NIT1: variants seen among roughly 807,000 people sequenced by gnomAD.
The protein encoded by NIT1 is deaminated glutathione amidase.
A neutral mutation model predicts 36.8 loss-of-function variants in NIT1; 30 were observed. The ratio of observed to expected loss-of-function variants is 0.82; its 90% confidence interval spans 0.61 to 1.11. The LOEUF (loss-of-function observed/expected upper bound fraction) is 1.11, where lower values mean the gene tolerates loss of function less well. Among genes scored for constraint, NIT1 ranks in the 50% least tolerant of loss-of-function variants. The probability of loss-of-function intolerance (pLI) is 0.00; values close to 1 mark genes in which losing one functional copy is unlikely to be tolerated. For synonymous variants in NIT1, 151 were observed against 155.6 expected (o/e 0.97, Z 0.22); for missense variants, 438 against 410.6 (o/e 1.07, Z -0.58).
At chr1:161,124,036 G>A, downstream of NIT1, 12 of 1,580,386 alleles carry the variant, frequency 7.6e-6, no homozygotes, top group East Asian at 2.2e-5. Flanking sequence ...CTTACTCTAA[G>A]TACTCCCCAG....
downstream of NIT1, chr1:161,122,080 C>T: frequency 6.4e-7 from 1 of 1,572,964 alleles, no homozygotes; most frequent in Non-Finnish European, 8.6e-7. This position sits in a 1 kb window ranked among gnomAD's most constrained non-coding sequence, Gnocchi z 4.2. Context: ...GAGAACAAAC[C>T]CCAGAACAGT....
intron 2 of NIT1, 75 bp from the exon 3 acceptor site, chr1:161,119,059 C>T: frequency 6.4e-7 from 1 of 1,563,870 alleles, no homozygotes; most frequent in South Asian, 1.1e-5. Context: ...TCCTGCCTCT[C>T]CACTTGCACC....
In NIT1 at chr1:161,118,868, T is replaced by C; in HGVS notation, c.85T>C (p.Cys29Arg). Reference protein sequence around the residue: ...GLRIPQLSVLCAQPRPRAMAI... With the variant: ...GLRIPQLSVLRAQPRPRAMAI... ...CCGGATACCTCAACTCTCAGTACTT[T>C]GTGCTCAGCCCAGGTAACACGTTTT... Residue 29 changes from cysteine (C) to arginine (R), a missense_variant, in exon 2 of 7, where the codon TGT (cysteine) becomes CGT (arginine). Coordinates refer to ENST00000368009, the MANE Select transcript of NIT1 (RefSeq NM_005600.3). 1 of 1,613,604 alleles carries C rather than the reference T, an allele frequency of 6.2e-7. No individual in the cohort carries two copies. The highest frequency in any genetic ancestry group is 8.5e-7 in the Non-Finnish European group (1 of 1,179,514).
At chr1:161,122,448 T>C, downstream of NIT1, 1 of 1,614,248 alleles carries the variant, frequency 6.2e-7, no homozygotes, top group Non-Finnish European at 8.5e-7. The surrounding 1 kb of genome is among the most constrained non-coding windows in gnomAD (Gnocchi z 4.2). Flanking sequence ...AAGTGGGTCC[T>C]GCTTGTTAGA....
chr1:161,119,031 C>A, intron 2 of NIT1, 103 bp from the exon 3 acceptor site: 2 of 1,473,498 alleles, frequency 1.4e-6, no homozygotes, highest in Non-Finnish European at 1.9e-6. Flanking sequence ...AGAGCATGAT[C>A]AAAAGGAAGT....
rs1655299862 is a variant in NIT1, at chr1:161,120,210, T to C, written c.695T>C (p.Ile232Thr). ...ILTYPSAFGS[I>T]TGPAHWEVLL... ...ACCTATCCTTCAGCTTTTGGATCCATTACAGGCCCAGCCCACTGGGAGGTA... is the reference window on the plus strand; with the variant it reads ...ACCTATCCTTCAGCTTTTGGATCCACTACAGGCCCAGCCCACTGGGAGGTA... Residue 232 changes from isoleucine to threonine, a missense_variant, in exon 6 of 7, where the codon ATT becomes ACT. Coordinates refer to ENST00000368009, the MANE Select transcript of NIT1 (RefSeq NM_005600.3). The C allele has an allele frequency of 6.2e-7, 1 of 1,614,092 alleles. No individual in the cohort carries two copies. Among genetic ancestry groups the C allele is most frequent in the Non-Finnish European group, 8.5e-7 (1 of 1,179,992 alleles).
At chr1:161,118,597 C>G in intron 1 of NIT1, 189 bp from the exon 2 acceptor site, 8 of 1,535,592 alleles carry the variant, frequency 5.2e-6, no homozygotes, top group Non-Finnish European at 7.0e-6. Flanking sequence ...AGCAGAGCCC[C>G]TTTCTCCATC....
chr1:161,123,178 A>C, downstream of NIT1: 1 of 1,614,222 alleles, frequency 6.2e-7, no homozygotes, highest in Non-Finnish European at 8.5e-7. Flanking sequence ...TACACATCTG[A>C]GGACCCGAAG....
chr1:161,120,563 G>A lies in NIT1; in HGVS notation c.782G>A (p.Arg261His), dbSNP rs749338832. ...CYVVAAAQCGRHHEKRASYGH... is the reference protein window; with the variant it reads ...CYVVAAAQCGHHHEKRASYGH... ...GTAGTGGCAGCAGCACAGTGTGGAC[G>A]CCACCATGAGAAGAGAGCAAGTTAT... Residue 261 changes from arginine (R) to histidine (H), a missense_variant, in exon 7 of 7, where the codon CGC (arginine) becomes CAC (histidine). Arg to His is a conservative substitution (Grantham distance 29). Coordinates refer to ENST00000368009, the MANE Select transcript of NIT1 (RefSeq NM_005600.3). 2.5e-5 allele frequency: 40 copies of A among 1,614,050 alleles called. No homozygotes were observed. The highest frequency in any genetic ancestry group is 4.4e-5 in the South Asian group (4 of 91,082).
At chr1:161,124,658 T>A, downstream of NIT1, 1 of 1,225,870 alleles carries the variant, frequency 8.2e-7, no homozygotes, top group Non-Finnish European at 1.1e-6. Flanking sequence ...ATTTTTGAAG[T>A]GTTTGTTTAA....
At chr1:161,122,751 C>T (rs190514182), downstream of NIT1, among the ~76,000 whole-genome samples, 3 of 152,322 alleles carry the variant, frequency 2.0e-5, no homozygotes, top group Admixed American at 2.0e-4. The surrounding 1 kb of genome is among the most constrained non-coding windows in gnomAD (Gnocchi z 4.2). Context: ...TCCCATTACT[C>T]ACAGGTAGCA....
Position 161,119,386 on chromosome 1 carries a change from C to G in NIT1, c.351C>G (p.Ala117=). The stretch of plus-strand genomic sequence containing the variant: ...TTTTGGAAGAATACACCCAGCTTGC[C>G]AGGTATCAGGGAAATAGCGAGGGAG... ...GKLLEEYTQL[A]RECGLWLSLG... Residue 117 remains alanine, a splice_region_variant and synonymous_variant, in exon 3 of 7, where the codon GCC becomes GCG. Coordinates refer to ENST00000368009, the MANE Select transcript of NIT1 (RefSeq NM_005600.3). 2 of 1,613,694 alleles carry G rather than the reference C, an allele frequency of 1.2e-6. No individual in the cohort carries two copies. Among genetic ancestry groups the G allele is most frequent in the East Asian group, 2.2e-5 (1 of 44,868 alleles).
downstream of NIT1, chr1:161,121,300 C>T (rs1297011344): frequency 5.8e-6 from 3 of 519,448 alleles, 1 homozygote; most frequent in Admixed American, 1.9e-4. Flanking sequence ...GCCCTTTGCC[C>T]AAGCCAGAAG....
chr1:161,124,236 C>T (rs1284065780), downstream of NIT1: 8 of 1,614,104 alleles, frequency 5.0e-6, no homozygotes, highest in South Asian at 1.1e-5. Flanking sequence ...TTCATCACAG[C>T]GGCCCTGGCG....
At chr1:161,119,028 G>T in intron 2 of NIT1, 106 bp from the exon 3 acceptor site, 1 of 1,459,934 alleles carries the variant, frequency 6.8e-7, no homozygotes, top group East Asian at 2.3e-5. Context: ...GTAAGAGCAT[G>T]ATCAAAAGGA....
chr1:161,121,878 A>G, downstream of NIT1: 1 of 418,652 alleles, frequency 2.4e-6, no homozygotes, highest in East Asian at 4.1e-5. Context: ...GCTTCTTCCT[A>G]TACATTTGTC....
downstream of NIT1, chr1:161,123,275 A>C: frequency 6.6e-7 from 1 of 1,516,928 alleles, no homozygotes; most frequent in Non-Finnish European, 9.1e-7. Flanking sequence ...CAGAAATTCA[A>C]ACACTTCTGT....
At chr1:161,119,077 A>T (rs1307282282) in intron 2 of NIT1, 57 bp from the exon 3 acceptor site, 2 of 1,600,018 alleles carry the variant, frequency 1.2e-6, no homozygotes, top group Non-Finnish European at 1.7e-6. Context: ...ACCCCTTAGC[A>T]TTAAATTTGC....
chr1:161,120,980 T>TA lies in NIT1; in HGVS notation c.*216dup. The TA allele has an allele frequency of 2.1e-6, 3 of 1,414,478 alleles. No homozygotes were observed. Among genetic ancestry groups the TA allele is most frequent in the Non-Finnish European group, 2.8e-6 (3 of 1,087,908 alleles). The allele number at this position is 1,414,478 out of a possible 1,614,324, so 87.6% of individuals were successfully genotyped here. ...CTGCAGTTTCAGAAAGGTGGAATTTTATATAGTCATTGTTTATTTCATGGA... is the reference window on the plus strand; with the variant it reads ...CTGCAGTTTCAGAAAGGTGGAATTTTAATATAGTCATTGTTTATTTCATGGA... On this transcript the variant is annotated 3_prime_UTR_variant, in exon 7 of 7. Transcript: ENST00000368009.
Sources: allele counts gnomAD v4.1 joint callset (sites outside exome capture counted in the v4.1 genomes callset), GRCh38; gene constraint gnomAD v4.1.1; non-coding constraint Gnocchi (gnomAD v3.1); transcripts MANE v1.5; gene names NCBI Gene and HGNC (gene_info 2026-07-23, HGNC 2026-07-21).